Variants in ZFHX3 observed in about 807,000 individuals in gnomAD.
ZFHX3 encodes zinc finger homeobox 3.
In ZFHX3, 42 loss-of-function variants were observed where a neutral mutation model predicts 279.1. The observed-to-expected ratio is 0.15, with a 90% confidence interval of 0.12 to 0.19. The LOEUF (loss-of-function observed/expected upper bound fraction) is 0.19. Ranked by LOEUF, ZFHX3 falls within the 10% of genes least tolerant of loss-of-function variation. The pLI is 1.00. For synonymous variants in ZFHX3, 2,293 were observed against 1,957.8 expected (o/e 1.17, Z -4.52); for missense variants, 4,981 against 4,754.0 (o/e 1.05, Z -1.40).
At chr16:73,418,953 C>A (rs545474526) in intron 3 of ZFHX3, among the ~76,000 whole-genome samples, 39 of 152,204 alleles carry the variant, frequency 2.6e-4, no homozygotes, top group Non-Finnish European at 4.8e-4. Context: ...ATTCCAGATC[C>A]TGAAATCTCG....
At chr16:73,559,873 G>A (rs563865593) in intron 2 of ZFHX3, among the ~76,000 whole-genome samples, 2 of 152,338 alleles carry the variant, frequency 1.3e-5, no homozygotes, top group East Asian at 3.9e-4. Flanking sequence ...AACGTGTCAG[G>A]CCTGAGCCTA....
At chr16:72,857,985 T>C (rs1010446963) in intron 4 of ZFHX3, among the ~76,000 whole-genome samples, 3 of 152,234 alleles carry the variant, frequency 2.0e-5, no homozygotes, top group Non-Finnish European at 4.4e-5. Context: ...CAGGGCCCGC[T>C]GCTCCTCAGC....
At chr16:73,319,421 A>T (rs950715572) in intron 3 of ZFHX3, among the ~76,000 whole-genome samples, 7 of 152,074 alleles carry the variant, frequency 4.6e-5, no homozygotes, top group South Asian at 2.1e-4. Context: ...CACATCTTTA[A>T]TTGGGTCTAA....
chr16:73,140,385 T>G (rs1423992925), intron 6 of ZFHX3, among the ~76,000 whole-genome samples: 2 of 152,054 alleles, frequency 1.3e-5, no homozygotes, highest in Admixed American at 1.3e-4. Context: ...AAGTGCTCAT[T>G]AAGAGGAATA....
chr16:73,145,940 C>G lies in ZFHX3; in HGVS notation c.-1103-2109G>C, dbSNP rs1436709518. ...ATTCTAACTATCAATAGCCCAGCCT[C>G]AAATTTTCCACCTATCTCAGGCAGG... On this transcript the variant is annotated intron_variant, in intron 5 of 17. Transcript: ENST00000641206. Among the ~76,000 whole-genome samples the G allele has an allele frequency of 3.9e-5, 6 of 152,200 alleles. No homozygotes were observed. The East Asian group carries it at 1.2e-3, about 29-fold the overall frequency.
chr16:72,940,897 TTGA>T (rs1225281479), intron 3 of ZFHX3, among the ~76,000 whole-genome samples: 2 of 152,266 alleles, frequency 1.3e-5, no homozygotes, highest in African/African-American at 4.8e-5. Context: ...CTAATCATTC[TTGA>T]TGATTAGTCC....
At chr16:73,620,088 C>T (rs1196803736) in intron 2 of ZFHX3, among the ~76,000 whole-genome samples, 1 of 152,152 alleles carries the variant, frequency 6.6e-6, no homozygotes, top group Non-Finnish European at 1.5e-5. Context: ...CATGCAGGCT[C>T]TTAGCAGGCT....
In ZFHX3 at chr16:72,788,291, T is replaced by C. The variant is rs752788163; in HGVS notation, c.9985A>G (p.Ser3329Gly). Residue 3329 changes from serine (S) to glycine (G), a missense_variant, in exon 10 of 10, where the codon AGC (serine) becomes GGC (glycine). Physicochemically the swap from Ser to Gly is moderately conservative, Grantham distance 56. Transcript: ENST00000268489. ...CCATACATAGGCTGCAGGTACCCGCTCTGCAGGGCGCCAGGGATCTGGGGA... is the reference window on the plus strand; with the variant it reads ...CCATACATAGGCTGCAGGTACCCGCCCTGCAGGGCGCCAGGGATCTGGGGA... ...YAPQIPGALQSGYLQPMYGME... is the reference protein window; with the variant it reads ...YAPQIPGALQGGYLQPMYGME... 6.2e-6 allele frequency: 10 copies of C among 1,614,170 alleles called. No individual in the cohort carries two copies. Among genetic ancestry groups the C allele is most frequent in the Non-Finnish European group, 7.6e-6 (9 of 1,180,030 alleles).
intron 7 of ZFHX3, among the ~76,000 whole-genome samples, chr16:73,113,967 T>A (rs1266463260): frequency 6.6e-6 from 1 of 151,886 alleles, no homozygotes. Context: ...AGCTAATTTT[T>A]TTGTATTTTT....
At chr16:73,847,225 C>G (rs1412667547) in intron 1 of ZFHX3, among the ~76,000 whole-genome samples, 1 of 152,182 alleles carries the variant, frequency 6.6e-6, no homozygotes, top group Non-Finnish European at 1.5e-5. Flanking sequence ...CACTCAAACC[C>G]AGGAGGCAGA....
In ZFHX3 at chr16:73,209,189, A is replaced by T. The variant is rs571272186; in HGVS notation, c.-1104+47858T>A. On this transcript the variant is annotated intron_variant, in intron 5 of 17. Transcript: ENST00000641206. Reference sequence around the variant, plus strand: ...AAATGGAGAAATATTTTAAAAATTCATTTAAAACTAAGCCCATTGCATGTT... The same window carrying T: ...AAATGGAGAAATATTTTAAAAATTCTTTTAAAACTAAGCCCATTGCATGTT... Among the ~76,000 whole-genome samples the T allele has an allele frequency of 2.6e-5, 4 of 152,352 alleles. No individual in the cohort carries two copies. In the South Asian group the frequency reaches 8.3e-4, roughly 32 times the overall value.
intron 5 of ZFHX3, among the ~76,000 whole-genome samples, chr16:73,166,452 T>C (rs1253383667): frequency 1.3e-5 from 2 of 151,960 alleles, no homozygotes; most frequent in Non-Finnish European, 2.9e-5. Context: ...TTGGATAACA[T>C]TTCTGGATGC....
intron 6 of ZFHX3, among the ~76,000 whole-genome samples, chr16:73,139,250 C>A (rs1488610726): frequency 2.0e-5 from 3 of 152,126 alleles, no homozygotes; most frequent in African/African-American, 7.2e-5. Context: ...GAAAAATCAT[C>A]AAAAATTATT....
At chr16:73,448,234 T>G (rs2018220702) in intron 3 of ZFHX3, among the ~76,000 whole-genome samples, 1 of 152,050 alleles carries the variant, frequency 6.6e-6, no homozygotes, top group Admixed American at 6.6e-5. Context: ...AAAAAGGGAA[T>G]GAGGTATACA....
intron 2 of ZFHX3, chr16:73,554,921 C>T (rs1428846002): frequency 1.3e-5 from 2 of 152,166 alleles, no homozygotes; most frequent in African/African-American, 2.4e-5. Context: ...CCTGGAAATA[C>T]CCTGCTGGTA....
At chr16:72,896,746 C>T (rs2038910951) in intron 3 of ZFHX3, among the ~76,000 whole-genome samples, 1 of 152,206 alleles carries the variant, frequency 6.6e-6, no homozygotes. Flanking sequence ...CCAGCTCCCT[C>T]CTCCTCCCCA....
At chr16:73,077,179 C>T (rs1355661493) in intron 8 of ZFHX3, among the ~76,000 whole-genome samples, 1 of 152,112 alleles carries the variant, frequency 6.6e-6, no homozygotes, top group Non-Finnish European at 1.5e-5. Context: ...TTGGATGGAG[C>T]AGGTTCAAGC....
intron 2 of ZFHX3, among the ~76,000 whole-genome samples, chr16:73,510,819 A>G (rs2019415717): frequency 1.3e-5 from 2 of 152,206 alleles, no homozygotes; most frequent in African/African-American, 4.8e-5. Context: ...ACTTCTCCCT[A>G]AGTCCACACC....
At chr16:73,475,093 C>T (rs1208045643) in intron 2 of ZFHX3, among the ~76,000 whole-genome samples, 2 of 152,158 alleles carry the variant, frequency 1.3e-5, no homozygotes, top group East Asian at 3.9e-4. Flanking sequence ...ACTCTTCGAT[C>T]CATTTCTTAA....
Sources: gnomAD v4.1 joint callset for allele counts (sites outside exome capture counted in the v4.1 genomes callset) on GRCh38, gnomAD v4.1.1 for gene constraint, MANE v1.5 for transcripts, NCBI Gene and HGNC (gene_info 2026-07-23, HGNC 2026-07-21) for gene names.